The following SOBP variants were observed in gnomAD, a reference collection of about 807,000 sequenced individuals.
SOBP encodes sine oculis-binding protein homolog.
In SOBP, 4 loss-of-function variants were observed where a neutral mutation model predicts 53.6. That is an observed-to-expected ratio of 0.07 (90% CI 0.04 to 0.17). The LOEUF (loss-of-function observed/expected upper bound fraction) is 0.17, where lower values mean the gene tolerates loss of function less well. Among genes scored for constraint, SOBP ranks in the 10% least tolerant of loss-of-function variants. The probability of loss-of-function intolerance (pLI) is 1.00; values close to 1 mark genes in which losing one functional copy is unlikely to be tolerated. For synonymous variants in SOBP, 584 were observed against 522.6 expected (o/e 1.12, Z -1.60); for missense variants, 1,088 against 1,204.7 (o/e 0.90, Z 1.43).
intron 6 of SOBP, among the ~76,000 whole-genome samples, chr6:107,636,987 A>T (rs1771072564): frequency 1.3e-5 from 2 of 152,132 alleles, no homozygotes; most frequent in Admixed American, 6.5e-5. Flanking sequence ...TGCATTTTTT[A>T]AAAAACCACT....
chr6:107,660,709 A>C lies in SOBP; in HGVS notation c.*2506A>C, dbSNP rs1772259718. On this transcript the variant is annotated 3_prime_UTR_variant, in exon 7 of 7. Transcript: ENST00000317357. ...AGTATGCTAATATCTAGTTCTAGTC[A>C]TTGTAAATCTAGTTCAGTTCTCTTG... Among the ~76,000 whole-genome samples the C allele has an allele frequency of 2.0e-5, 3 of 152,212 alleles. No individual in the cohort carries two copies. The highest frequency in any genetic ancestry group is 2.0e-4 in the Admixed American group (3 of 15,288).
At chr6:107,644,769 T>C (rs1771484712) in intron 6 of SOBP, among the ~76,000 whole-genome samples, 1 of 152,218 alleles carries the variant, frequency 6.6e-6, no homozygotes, top group South Asian at 2.1e-4. Context: ...TAGATCAAAT[T>C]TCTTTTAAAA....
intron 3 of SOBP, among the ~76,000 whole-genome samples, chr6:107,517,825 A>G (rs1783365143): frequency 6.6e-6 from 1 of 152,234 alleles, no homozygotes. Context: ...AACTACATAC[A>G]TAAAGTACTA....
chr6:107,529,901 G>A (rs1365558335), intron 3 of SOBP, among the ~76,000 whole-genome samples: 2 of 151,960 alleles, frequency 1.3e-5, no homozygotes, highest in African/African-American at 2.4e-5. Context: ...ATTAAATTCG[G>A]TACAAATTTT....
chr6:107,499,931 CAT>C (rs1491176751), intron 1 of SOBP, among the ~76,000 whole-genome samples: 1 of 152,002 alleles, frequency 6.6e-6, no homozygotes, highest in Non-Finnish European at 1.5e-5. Flanking sequence ...GTATGAAACA[CAT>C]GTATATATAT....
At chr6:107,610,545 T>C (rs944495416) in intron 5 of SOBP, among the ~76,000 whole-genome samples, 13 of 152,184 alleles carry the variant, frequency 8.5e-5, no homozygotes, top group African/African-American at 2.7e-4. Flanking sequence ...CTTGGGAGGC[T>C]CAGCCCATGC....
At chr6:107,570,529 T>C (rs1161777207) in intron 4 of SOBP, among the ~76,000 whole-genome samples, 1 of 152,234 alleles carries the variant, frequency 6.6e-6, no homozygotes, top group East Asian at 1.9e-4. Flanking sequence ...GAATCTTTTG[T>C]TGAGTTTTAA....
At chr6:107,568,537 G>A (rs2115034680) in intron 4 of SOBP, among the ~76,000 whole-genome samples, 1 of 152,262 alleles carries the variant, frequency 6.6e-6, no homozygotes, top group African/African-American at 2.4e-5. Context: ...AATAAATTAG[G>A]TTGGGAGCAA....
At chr6:107,541,777 T>C (rs1784153411) in intron 4 of SOBP, among the ~76,000 whole-genome samples, 1 of 152,210 alleles carries the variant, frequency 6.6e-6, no homozygotes, top group African/African-American at 2.4e-5. Flanking sequence ...AGGAGAATCT[T>C]TGAAGGATGT....
chr6:107,610,769 T>C (rs1211585418), intron 5 of SOBP, among the ~76,000 whole-genome samples: 1 of 149,990 alleles, frequency 6.7e-6, no homozygotes, highest in African/African-American at 2.5e-5. Flanking sequence ...TCTTTGCGCA[T>C]GTGTGTGTGC....
rs3734748 is a variant in SOBP, at chr6:107,658,471, G to A, written c.*268G>A. ...TCTGCTTCTCCCCAGAGGAACTTAG[G>A]GATTTCACCCCTGGCTTTTAAAAAA... On this transcript the variant is annotated 3_prime_UTR_variant, in exon 7 of 7. Transcript: ENST00000317357. 0.53 allele frequency: 80,351 copies of A among 152,324 alleles called. 25,207 individuals carry two copies. The highest frequency in any genetic ancestry group is 0.77 in the Middle Eastern group (226 of 292). 9.4% of individuals were successfully genotyped at this position (152,324 alleles called of 1,614,324 possible). A position where few individuals can be genotyped will look rare whatever the true frequency, so the allele number is the denominator to read the frequency against.
chr6:107,539,700 A>G (rs1025658375), intron 4 of SOBP, among the ~76,000 whole-genome samples: 4 of 152,234 alleles, frequency 2.6e-5, no homozygotes, highest in African/African-American at 9.6e-5. Flanking sequence ...TGGGCAGTTC[A>G]GTGAAACAAA....
At chr6:107,537,155 G>A (rs919105359) in intron 4 of SOBP, among the ~76,000 whole-genome samples, 1 of 152,168 alleles carries the variant, frequency 6.6e-6, no homozygotes, top group Non-Finnish European at 1.5e-5. Context: ...GCTAACACCA[G>A]TTTTACTTTG....
At chr6:107,636,168 G>GCT (rs1771032517) in intron 6 of SOBP, 1 of 158,674 alleles carries the variant, frequency 6.3e-6, no homozygotes, top group Non-Finnish European at 1.4e-5. Flanking sequence ...GACCAGCTTT[G>GCT]CTCTCTCCCC....
At chr6:107,579,121 A>G (rs1478729019) in intron 4 of SOBP, among the ~76,000 whole-genome samples, 2 of 152,182 alleles carry the variant, frequency 1.3e-5, no homozygotes, top group Non-Finnish European at 2.9e-5. Flanking sequence ...GTCCCTGGGT[A>G]ATAGATGCAA....
intron 6 of SOBP, among the ~76,000 whole-genome samples, chr6:107,648,719 A>G (rs185692486): frequency 6.6e-6 from 1 of 152,056 alleles, no homozygotes; most frequent in Non-Finnish European, 1.5e-5. Context: ...GGGAAACTTG[A>G]CTTTGGGGTT....
chr6:107,551,157 G>T (rs920659551), intron 4 of SOBP, among the ~76,000 whole-genome samples: 7 of 152,168 alleles, frequency 4.6e-5, no homozygotes, highest in African/African-American at 1.7e-4. Context: ...TAAGTGACTT[G>T]CAGGGGCCAC....
chr6:107,605,900 A>C (rs1196514244), intron 5 of SOBP, among the ~76,000 whole-genome samples: 1 of 152,106 alleles, frequency 6.6e-6, no homozygotes, highest in Non-Finnish European at 1.5e-5. Context: ...TCTTGTGCAC[A>C]CTAAAGTTGG....
In SOBP at chr6:107,536,759, G is replaced by T. The variant is rs1170461307; in HGVS notation, c.573+3149G>T. Among the ~76,000 whole-genome samples, 3 of 152,148 alleles carry T rather than the reference G, an allele frequency of 2.0e-5. No individual in the cohort carries two copies. In the East Asian group the frequency reaches 5.8e-4, roughly 29 times the overall value. On this transcript the variant is annotated intron_variant, in intron 4 of 6. Transcript: ENST00000317357. Reference sequence around the variant, plus strand: ...CTTCTACTCAACACTGCCAGGAGAGGACCATGAATCACAGCTGTATTCACT... The same window carrying T: ...CTTCTACTCAACACTGCCAGGAGAGTACCATGAATCACAGCTGTATTCACT...
Sources: gnomAD v4.1 joint callset for allele counts (sites outside exome capture counted in the v4.1 genomes callset) on GRCh38, gnomAD v4.1.1 for gene constraint, MANE v1.5 for transcripts, NCBI Gene and HGNC (gene_info 2026-07-23, HGNC 2026-07-21) for gene names.